Variants in DLG2 observed in about 807,000 individuals in gnomAD.
DLG2 encodes the protein disks large homolog 2.
Under a neutral mutation model 132.5 loss-of-function variants are expected in DLG2, and 45 were observed. The observed-to-expected ratio is 0.34, with a 90% CI of 0.27 to 0.44. The LOEUF is 0.44. DLG2 is among the 20% of genes least tolerant of loss of function. The pLI is 1.00. For synonymous variants in DLG2, 424 were observed against 419.6 expected (o/e 1.01, Z -0.13); for missense variants, 1,045 against 1,196.9 (o/e 0.87, Z 1.87).
At chr11:84,756,735 A>G (rs1468822493) in intron 6 of DLG2, among the ~76,000 whole-genome samples, 2 of 152,234 alleles carry the variant, frequency 1.3e-5, no homozygotes, top group South Asian at 4.1e-4. Context: ...TTAAAATATA[A>G]TGAGATTTTT....
At chr11:83,588,010 G>C (rs2097120714) in intron 19 of DLG2, among the ~76,000 whole-genome samples, 1 of 152,168 alleles carries the variant, frequency 6.6e-6, no homozygotes, top group South Asian at 2.1e-4. Flanking sequence ...GAGTCGCCTA[G>C]CACAGCAGTC....
chr11:84,298,374 TTGTC>T (rs1277753146), intron 7 of DLG2, among the ~76,000 whole-genome samples: 5 of 152,176 alleles, frequency 3.3e-5, no homozygotes, highest in Admixed American at 1.3e-4. Context: ...CTTAGAATGA[TTGTC>T]TGGGCTTTCA....
At chr11:83,976,830 T>C (rs12289688) in intron 12 of DLG2, among the ~76,000 whole-genome samples, 12,622 of 151,980 alleles carry the variant, frequency 0.083, 613 homozygotes, top group South Asian at 0.13. Flanking sequence ...GAGTTCATCT[T>C]GACTTCTATT....
intron 7 of DLG2, among the ~76,000 whole-genome samples, chr11:84,505,427 TTAAG>T (rs1341012582): frequency 3.3e-5 from 5 of 152,146 alleles, no homozygotes; most frequent in Admixed American, 2.0e-4. Flanking sequence ...CTTAACAAGG[TTAAG>T]TAATATATTT....
intron 3 of DLG2, among the ~76,000 whole-genome samples, chr11:85,340,491 C>T (rs574173151): frequency 4.2e-5 from 6 of 142,694 alleles, no homozygotes; most frequent in African/African-American, 1.5e-4. Flanking sequence ...GCCTGTTGGG[C>T]GGGTGGGGGC....
intron 15 of DLG2, among the ~76,000 whole-genome samples, chr11:83,908,917 T>C (rs1269692592): frequency 6.6e-6 from 1 of 152,140 alleles, no homozygotes; most frequent in African/African-American, 2.4e-5. Context: ...CATTTTTTCA[T>C]AGAGATGAGG....
intron 3 of DLG2, chr11:85,509,825 T>G (rs1335959638): frequency 1.3e-5 from 2 of 151,946 alleles, no homozygotes; most frequent in African/African-American, 2.4e-5. Context: ...TACAAAGAAG[T>G]ACAGAACACT....
chr11:84,725,420 T>C (rs1309814029), intron 6 of DLG2, among the ~76,000 whole-genome samples: 3 of 152,176 alleles, frequency 2.0e-5, no homozygotes, highest in Non-Finnish European at 2.9e-5. Context: ...CTACTGTAAA[T>C]TGAAGTCCAC....
chr11:83,603,191 C>T (rs978321775), intron 19 of DLG2, among the ~76,000 whole-genome samples: 9 of 151,980 alleles, frequency 5.9e-5, no homozygotes, highest in South Asian at 2.1e-4. Context: ...TATTATACAC[C>T]GATCACCACG....
intron 21 of DLG2, among the ~76,000 whole-genome samples, chr11:83,502,692 C>G (rs889512266): frequency 1.3e-5 from 2 of 152,108 alleles, no homozygotes; most frequent in Non-Finnish European, 2.9e-5. Context: ...TCTTTACTGG[C>G]TGGTCTTACA....
chr11:84,726,637 G>T (rs1380221519), intron 6 of DLG2, among the ~76,000 whole-genome samples: 2 of 152,140 alleles, frequency 1.3e-5, no homozygotes, highest in Admixed American at 6.5e-5. Context: ...CCAGTAATGA[G>T]ATTGCTGGGT....
intron 3 of DLG2, among the ~76,000 whole-genome samples, chr11:85,548,653 T>G (rs1032369664): frequency 6.6e-6 from 1 of 152,206 alleles, no homozygotes; most frequent in Non-Finnish European, 1.5e-5. Flanking sequence ...AGTCCCTGAC[T>G]GGGGCTGTGC....
At chr11:85,605,775 T>A (rs549136235) in intron 2 of DLG2, among the ~76,000 whole-genome samples, 2 of 152,184 alleles carry the variant, frequency 1.3e-5, no homozygotes, top group African/African-American at 4.8e-5. Flanking sequence ...GGTCAGGAGA[T>A]CGAGACCAGC....
chr11:83,696,189 G>C (rs929432119), intron 18 of DLG2, among the ~76,000 whole-genome samples: 15 of 152,078 alleles, frequency 9.9e-5, no homozygotes. Flanking sequence ...GGAGGGATAG[G>C]GCCTGATCTT....
At chr11:84,411,703 C>G (rs12419490) in intron 7 of DLG2, among the ~76,000 whole-genome samples, 1 of 152,070 alleles carries the variant, frequency 6.6e-6, no homozygotes, top group African/African-American at 2.4e-5. Context: ...AAGATCATGT[C>G]CAGTAGTCCT....
intron 6 of DLG2, among the ~76,000 whole-genome samples, chr11:84,738,482 T>A (rs1247162671): frequency 1.3e-5 from 2 of 152,184 alleles, no homozygotes; most frequent in Non-Finnish European, 2.9e-5. Context: ...TTCAATATAC[T>A]AGGTATTCTG....
intron 9 of DLG2, among the ~76,000 whole-genome samples, chr11:84,103,085 T>C (rs2092657808): frequency 6.6e-6 from 1 of 152,140 alleles, no homozygotes; most frequent in Non-Finnish European, 1.5e-5. Context: ...TTAAAACTAG[T>C]CTACCAGCTG....
At position 85,158,267 on chromosome 11, in the gene DLG2, G is replaced by A. The variant is rs183475083; in HGVS notation, c.187-3616C>T. Among the ~76,000 whole-genome samples, 276 of 152,232 alleles carry A rather than the reference G, an allele frequency of 1.8e-3. 4 individuals carry two copies. The highest frequency in any genetic ancestry group is 6.1e-3 in the African/African-American group (252 of 41,544). On this transcript the variant is annotated intron_variant, in intron 4 of 27. Coordinates refer to ENST00000376104, the MANE Select transcript of DLG2 (RefSeq NM_001142699.3). ...TGGATCAGGCTGAATTTATTGATCC[G>A]GCCCCACTAAGTAGGGACTCTGCAT... is the stretch of plus-strand genomic sequence containing the variant.
chr11:85,057,650 C>A (rs1277633529), intron 6 of DLG2, among the ~76,000 whole-genome samples: 1 of 151,494 alleles, frequency 6.6e-6, no homozygotes, highest in East Asian at 1.9e-4. Context: ...TTCCCAATTT[C>A]TTTTAAGGCC....
Sources: gnomAD v4.1 joint callset for allele counts (sites outside exome capture counted in the v4.1 genomes callset) on GRCh38, gnomAD v4.1.1 for gene constraint, MANE v1.5 for transcripts, NCBI Gene and HGNC (gene_info 2026-07-23, HGNC 2026-07-21) for gene names.